PPP2R2A: variants seen among roughly 807,000 people sequenced by gnomAD.
The protein encoded by PPP2R2A is protein phosphatase 2 regulatory subunit Balpha.
A neutral mutation model predicts 53.2 loss-of-function variants in PPP2R2A; 9 were observed. The observed-to-expected ratio is 0.17, with a 90% confidence interval of 0.10 to 0.30. The LOEUF (loss-of-function observed/expected upper bound fraction) is 0.30. PPP2R2A is among the 10% of genes least tolerant of loss of function. The pLI is 1.00. For synonymous variants in PPP2R2A, 169 were observed against 174.2 expected, an observed-to-expected ratio of 0.97 and a Z score of 0.23; for missense variants, 235 against 534.6, an observed-to-expected ratio of 0.44 and a Z score of 5.53.
At chr8:26,332,653 G>C (rs987835256) in intron 2 of PPP2R2A, among the ~76,000 whole-genome samples, 8 of 152,166 alleles carry the variant, frequency 5.3e-5, no homozygotes, top group Admixed American at 3.3e-4. Flanking sequence ...TTAGGGGGTA[G>C]AATTTAGAAT....
intron 3 of PPP2R2A, among the ~76,000 whole-genome samples, chr8:26,342,593 G>T (rs1156245241): frequency 6.6e-6 from 1 of 152,038 alleles, no homozygotes; most frequent in Non-Finnish European, 1.5e-5. Context: ...GTGGGTGCTG[G>T]GTTAAAGGGA....
At position 26,362,224 on chromosome 8, in the gene PPP2R2A, A is replaced by G. The variant is rs528635847; in HGVS notation, c.638-460A>G. 9.3e-4 allele frequency among the ~76,000 whole-genome samples: 140 copies of G among 150,930 alleles called. No homozygotes were observed. Among genetic ancestry groups the G allele is most frequent in the African/African-American group, 3.4e-3 (138 of 41,128 alleles). ...TATTCTATTGAGGCCGGGCACAGTG[A>G]CTCATGCCTGTAATCCCAGCACTTT... On this transcript the variant is annotated intron_variant, in intron 6 of 9. Transcript: ENST00000380737. This position sits in a 1 kb window ranked among gnomAD's most constrained non-coding sequence, Gnocchi z 4.4.
At chr8:26,335,546 C>G (rs934820769) in intron 2 of PPP2R2A, among the ~76,000 whole-genome samples, 27 of 152,150 alleles carry the variant, frequency 1.8e-4, no homozygotes, top group African/African-American at 9.7e-5. Context: ...TAAAATTACT[C>G]TACACTATTC....
intron 8 of PPP2R2A, chr8:26,365,877 A>G (rs762017180): frequency 6.5e-6 from 1 of 154,670 alleles, no homozygotes; most frequent in Non-Finnish European, 1.4e-5. Flanking sequence ...TATAGGCTTC[A>G]GTTAAATTTA....
chr8:26,296,213 G>A (rs1378389995), intron 2 of PPP2R2A, among the ~76,000 whole-genome samples: 1 of 152,192 alleles, frequency 6.6e-6, no homozygotes, highest in East Asian at 1.9e-4. Context: ...TGCAGTCCCA[G>A]TTTTGTCATT....
intron 2 of PPP2R2A, among the ~76,000 whole-genome samples, chr8:26,302,000 CAT>C (rs1222818578): frequency 2.0e-5 from 3 of 152,292 alleles, no homozygotes; most frequent in South Asian, 2.1e-4. Flanking sequence ...TACTTGAACA[CAT>C]GTCTATTAAA....
chr8:26,353,525 T>C (rs1232011681), intron 3 of PPP2R2A, among the ~76,000 whole-genome samples: 2 of 152,248 alleles, frequency 1.3e-5, no homozygotes, highest in Admixed American at 1.3e-4. Context: ...GTCAATAATA[T>C]CTCATTCTAT....
intron 2 of PPP2R2A, among the ~76,000 whole-genome samples, chr8:26,326,580 T>C (rs986842973): frequency 3.9e-5 from 6 of 152,176 alleles, no homozygotes; most frequent in Non-Finnish European, 8.8e-5. Flanking sequence ...TAATCCTAAT[T>C]TGTAAAGATT....
intron 2 of PPP2R2A, among the ~76,000 whole-genome samples, chr8:26,299,014 C>T (rs1442640131): frequency 6.6e-6 from 1 of 152,212 alleles, no homozygotes; most frequent in African/African-American, 2.4e-5. Context: ...GTGGCTCACG[C>T]CTGTAATCCC....
chr8:26,331,714 G>A (rs6557911), intron 2 of PPP2R2A, among the ~76,000 whole-genome samples: 1 of 152,040 alleles, frequency 6.6e-6, no homozygotes, highest in Non-Finnish European at 1.5e-5. Context: ...TTGTAGATAC[G>A]TGCTCTTTAC....
chr8:26,327,774 A>G (rs1233949605), intron 2 of PPP2R2A, among the ~76,000 whole-genome samples: 1 of 152,214 alleles, frequency 6.6e-6, no homozygotes, highest in African/African-American at 2.4e-5. Flanking sequence ...TGGGTTAATC[A>G]TACTCTAATT....
intron 4 of PPP2R2A, among the ~76,000 whole-genome samples, chr8:26,355,378 C>G (rs1804720707): frequency 6.6e-6 from 1 of 152,094 alleles, no homozygotes; most frequent in Admixed American, 6.5e-5. Flanking sequence ...TAGCTGGGAC[C>G]ACAGGTGAGT....
chr8:26,301,007 C>T (rs1041752032), intron 2 of PPP2R2A, among the ~76,000 whole-genome samples: 1 of 152,206 alleles, frequency 6.6e-6, no homozygotes, highest in Non-Finnish European at 1.5e-5. Context: ...AGGTCCTTTA[C>T]ATCTATTTAT....
At chr8:26,358,635 C>T (rs182848894) in intron 4 of PPP2R2A, among the ~76,000 whole-genome samples, 14 of 152,264 alleles carry the variant, frequency 9.2e-5, no homozygotes, top group South Asian at 4.1e-4. Flanking sequence ...TGAGTTGTTT[C>T]TGTTTTTATA....
Position 26,360,053 on chromosome 8 carries a change from GTT to G in PPP2R2A, c.347-104_347-103del, listed in dbSNP as rs11321025. On this transcript the variant is annotated intron_variant, in intron 4 of 9. Transcript: ENST00000380737. The surrounding 1 kb of genome is among the most constrained non-coding windows in gnomAD (Gnocchi z 4.5). The stretch of plus-strand genomic sequence containing the variant: ...AATTTTTTAGTAAGTTCAGATTAGG[GTT>G]TTTTTTTTTTTCGTGGAATCCTTTT... 0.018 allele frequency: 7,662 copies of G among 421,936 alleles called. No homozygotes were observed. The highest frequency in any genetic ancestry group is 0.041 in the East Asian group (939 of 22,672). The allele number at this position is 421,936 out of a possible 1,614,324, so 26.1% of individuals were successfully genotyped here. A position where few individuals can be genotyped will look rare whatever the true frequency, so the allele number is the denominator to read the frequency against.
At chr8:26,316,156 C>T (rs903437114) in intron 2 of PPP2R2A, among the ~76,000 whole-genome samples, 6 of 152,112 alleles carry the variant, frequency 3.9e-5, no homozygotes, top group Non-Finnish European at 8.8e-5. Context: ...AGACACCTGC[C>T]ACCACGCCCG....
chr8:26,370,521 G>C lies in PPP2R2A; in HGVS notation c.*108G>C. On this transcript the variant is annotated 3_prime_UTR_variant, in exon 10 of 10. Transcript: ENST00000380737. This position sits in a 1 kb window ranked among gnomAD's most constrained non-coding sequence, Gnocchi z 6.1. ...GTCCATTGTGGCGCCCCTTTCCAGT[G>C]TTTGACAGTGTGCCATTCGACAACA... The C allele has an allele frequency of 7.9e-7, 1 of 1,261,248 alleles. No individual in the cohort carries two copies. Among genetic ancestry groups the C allele is most frequent in the Non-Finnish European group, 1.1e-6 (1 of 903,964 alleles). 78.1% of individuals were successfully genotyped at this position (1,261,248 alleles called of 1,614,324 possible).
chr8:26,345,255 T>C (rs1804151870), intron 3 of PPP2R2A, among the ~76,000 whole-genome samples: 1 of 152,202 alleles, frequency 6.6e-6, no homozygotes, highest in African/African-American at 2.4e-5. Flanking sequence ...ATTATTTAAT[T>C]AATAAACTTG....
At chr8:26,346,863 ATC>A (rs1339314434) in intron 3 of PPP2R2A, among the ~76,000 whole-genome samples, 1 of 152,218 alleles carries the variant, frequency 6.6e-6, no homozygotes, top group African/African-American at 2.4e-5. Flanking sequence ...ATTGAAGACT[ATC>A]TGATCCGATC....
Sources: allele counts gnomAD v4.1 joint callset (sites outside exome capture counted in the v4.1 genomes callset), GRCh38; gene constraint gnomAD v4.1.1; non-coding constraint Gnocchi (gnomAD v3.1); transcripts MANE v1.5; gene names NCBI Gene and HGNC (gene_info 2026-07-23, HGNC 2026-07-21).